The following CSMD3 variants were observed in gnomAD, a reference collection of about 807,000 sequenced individuals.
CSMD3 encodes the protein CUB and sushi domain-containing protein 3.
In CSMD3, 177 loss-of-function variants were observed where a neutral mutation model predicts 435.2. The observed-to-expected ratio is 0.41, with a 90% CI of 0.36 to 0.46. The LOEUF (loss-of-function observed/expected upper bound fraction) is 0.46, where lower values mean the gene tolerates loss of function less well. CSMD3 is among the 20% of genes least tolerant of loss of function. The pLI is 0.34. For synonymous variants in CSMD3, 1,656 were observed against 1,520.5 expected, an observed-to-expected ratio of 1.09 and a Z score of -2.07; for missense variants, 4,265 against 4,504.6, an observed-to-expected ratio of 0.95 and a Z score of 1.52.
Position 112,910,424 on chromosome 8 carries a change from G to T in CSMD3, c.1633+11203C>A, listed in dbSNP as rs145102914. Among the ~76,000 whole-genome samples the T allele has an allele frequency of 6.6e-3, 1,005 of 151,884 alleles. 7 individuals carry two copies. Among genetic ancestry groups the T allele is most frequent in the Non-Finnish European group, 9.8e-3 (668 of 67,874 alleles). ...GAAAAAAATAGGGGTAGAGGGTTCTGCCATTTGAGAATGATGCCTTCTTCC... is the reference window on the plus strand; with the variant it reads ...GAAAAAAATAGGGGTAGAGGGTTCTTCCATTTGAGAATGATGCCTTCTTCC... On this transcript the variant is annotated intron_variant, in intron 10 of 70. Transcript: ENST00000297405.
chr8:113,405,475 TGAAATAAGG>T (rs2129689142), intron 1 of CSMD3, among the ~76,000 whole-genome samples: 1 of 151,670 alleles, frequency 6.6e-6, no homozygotes, highest in East Asian at 1.9e-4. Context: ...TTGTAATAAG[TGAAATAAGG>T]GAGGGGTGAT....
intron 36 of CSMD3, among the ~76,000 whole-genome samples, chr8:112,386,204 G>A (rs1412905260): frequency 6.6e-6 from 1 of 152,114 alleles, no homozygotes; most frequent in African/African-American, 2.4e-5. Context: ...TTTCAGTGCA[G>A]TAAAGCTGAT....
intron 17 of CSMD3, 58 bp downstream of exon 17, chr8:112,666,219 T>C (rs1052000520): frequency 7.8e-7 from 1 of 1,287,710 alleles, no homozygotes; most frequent in Middle Eastern, 2.1e-4. Context: ...CAAAAGAGAA[T>C]GTCAACTAAT....
At chr8:112,703,880 G>C (rs2076442849) in intron 13 of CSMD3, among the ~76,000 whole-genome samples, 1 of 152,056 alleles carries the variant, frequency 6.6e-6, no homozygotes, top group South Asian at 2.1e-4. Context: ...CCCACAGAAA[G>C]TAATGAAAGG....
At chr8:112,781,036 C>T (rs1387116809) in intron 13 of CSMD3, among the ~76,000 whole-genome samples, 3 of 150,294 alleles carry the variant, frequency 2.0e-5, no homozygotes, top group Non-Finnish European at 3.0e-5. Context: ...GGCAATGCAG[C>T]TCCAGGAGAG....
chr8:112,949,065 G>A (rs1316696809), intron 8 of CSMD3, among the ~76,000 whole-genome samples: 1 of 151,876 alleles, frequency 6.6e-6, no homozygotes, highest in African/African-American at 2.4e-5. Flanking sequence ...TTGTAGGTGT[G>A]AGCCATTTTA....
At chr8:113,012,544 G>A (rs533520674) in intron 6 of CSMD3, among the ~76,000 whole-genome samples, 1 of 152,118 alleles carries the variant, frequency 6.6e-6, no homozygotes, top group African/African-American at 2.4e-5. Context: ...TCTGTTGATA[G>A]TGAGTGAATT....
At chr8:113,143,378 G>GA (rs1402098474) in intron 4 of CSMD3, among the ~76,000 whole-genome samples, 2 of 151,488 alleles carry the variant, frequency 1.3e-5, no homozygotes, top group East Asian at 3.9e-4. Flanking sequence ...AGCGGAAACA[G>GA]AAAATGGTAC....
At chr8:112,923,943 C>T (rs1267897163) in intron 9 of CSMD3, among the ~76,000 whole-genome samples, 1 of 152,076 alleles carries the variant, frequency 6.6e-6, no homozygotes, top group Admixed American at 6.6e-5. Context: ...ATCCATGGCA[C>T]CCACTATTTC....
chr8:112,318,850 AG>A lies in CSMD3; in HGVS notation c.7346del (p.Pro2449LeufsTer15). The A allele has an allele frequency of 6.2e-7, 1 of 1,609,026 alleles. No individual in the cohort carries two copies. The highest frequency in any genetic ancestry group is 8.5e-7 in the Non-Finnish European group (1 of 1,176,276). ...LGERLQMDGA[P>X]PVCQVLCPAN... ...ACCATTGAATACCTTGACAAACTGG[AG>A]GTGCTCCATCCATCTGCAGTCGTTC... On this transcript the variant is annotated frameshift_variant, in exon 47 of 71. Coordinates refer to ENST00000297405, the MANE Select transcript of CSMD3 (RefSeq NM_198123.2). LOFTEE classifies it high-confidence loss of function.
chr8:112,292,506 C>A, intron 55 of CSMD3, 31 bp downstream of exon 55: 1 of 1,605,778 alleles, frequency 6.2e-7, no homozygotes, highest in Non-Finnish European at 8.5e-7. Flanking sequence ...TATTATCATG[C>A]CACCAAATGG....
intron 32 of CSMD3, among the ~76,000 whole-genome samples, chr8:112,465,497 C>T (rs1224767267): frequency 6.6e-6 from 1 of 151,994 alleles, no homozygotes; most frequent in East Asian, 1.9e-4. Flanking sequence ...AATGGCCAAG[C>T]CATGGCTTGA....
intron 5 of CSMD3, among the ~76,000 whole-genome samples, chr8:113,097,818 C>T (rs2090210260): frequency 1.3e-5 from 2 of 151,996 alleles, no homozygotes; most frequent in South Asian, 4.1e-4. Flanking sequence ...TTGTTCAGAT[C>T]AGAAAACTAG....
intron 27 of CSMD3, among the ~76,000 whole-genome samples, chr8:112,523,692 G>C (rs1167799469): frequency 6.6e-6 from 1 of 152,008 alleles, no homozygotes; most frequent in African/African-American, 2.4e-5. Context: ...GTAACCTAGA[G>C]GTGGATTTCA....
At chr8:112,893,683 G>T (rs1271625374) in intron 10 of CSMD3, among the ~76,000 whole-genome samples, 1 of 151,406 alleles carries the variant, frequency 6.6e-6, no homozygotes, top group Non-Finnish European at 1.5e-5. Flanking sequence ...CTGCAATATT[G>T]CTAACTGTGA....
intron 5 of CSMD3, among the ~76,000 whole-genome samples, chr8:113,053,793 T>C (rs911206993): frequency 2.0e-5 from 3 of 152,176 alleles, no homozygotes; most frequent in Non-Finnish European, 4.4e-5. Flanking sequence ...TGGTTTTATT[T>C]ATGTATATCA....
intron 10 of CSMD3, among the ~76,000 whole-genome samples, chr8:112,881,161 G>GGA (rs1264377275): frequency 6.6e-6 from 1 of 151,848 alleles, no homozygotes; most frequent in Non-Finnish European, 1.5e-5. Flanking sequence ...CACGTTACAG[G>GGA]GAGAGAGACA....
intron 59 of CSMD3, among the ~76,000 whole-genome samples, chr8:112,279,213 A>T (rs1276279583): frequency 6.6e-6 from 1 of 152,220 alleles, no homozygotes; most frequent in Non-Finnish European, 1.5e-5. Flanking sequence ...TTAAATGAAC[A>T]GATTCTGATA....
At chr8:112,537,393 C>T (rs892513831) in intron 27 of CSMD3, among the ~76,000 whole-genome samples, 1 of 135,594 alleles carries the variant, frequency 7.4e-6, no homozygotes, top group Non-Finnish European at 1.6e-5. Context: ...TTATAAAGAT[C>T]AGAACAGGAA....
Sources: allele counts gnomAD v4.1 joint callset (sites outside exome capture counted in the v4.1 genomes callset), GRCh38; gene constraint gnomAD v4.1.1; transcripts MANE v1.5; gene names NCBI Gene and HGNC (gene_info 2026-07-23, HGNC 2026-07-21).